Variants in GALNT2 observed in about 807,000 individuals in gnomAD.
GALNT2 encodes UDP-GalNAc:polypeptide N-acetylgalactosaminyltransferase 2.
GALNT2 carries 31 observed loss-of-function variants against 81.4 expected under a neutral mutation model. That is an observed-to-expected ratio of 0.38 (90% confidence interval 0.29 to 0.51). The LOEUF (loss-of-function observed/expected upper bound fraction) is 0.51. Ranked by LOEUF, GALNT2 falls within the 20% of genes least tolerant of loss-of-function variation. The probability of loss-of-function intolerance (pLI) is 0.87; values close to 1 mark genes in which losing one functional copy is unlikely to be tolerated. For missense variants in GALNT2, 629 were observed against 765.7 expected (o/e 0.82, Z 2.11); for synonymous variants, 303 against 287.4 (o/e 1.05, Z -0.55).
chr1:230,095,901 A>C (rs977388601), intron 1 of GALNT2, among the ~76,000 whole-genome samples: 1 of 152,264 alleles, frequency 6.6e-6, no homozygotes, highest in Non-Finnish European at 1.5e-5. Context: ...CCAAGGCCTC[A>C]GACAGGTGAG....
At chr1:230,085,038 G>A (rs781084393) in intron 1 of GALNT2, among the ~76,000 whole-genome samples, 5 of 152,174 alleles carry the variant, frequency 3.3e-5, no homozygotes, top group Non-Finnish European at 5.9e-5. Context: ...GAGAAGTGGA[G>A]AAAGATTGTG....
At chr1:230,108,220 G>A (rs1032604584) in intron 1 of GALNT2, among the ~76,000 whole-genome samples, 4 of 152,114 alleles carry the variant, frequency 2.6e-5, no homozygotes, top group Non-Finnish European at 2.9e-5. Context: ...ACTTCTAATT[G>A]GGCATACAAG....
At chr1:230,095,303 G>A (rs981970214) in intron 1 of GALNT2, among the ~76,000 whole-genome samples, 1 of 152,140 alleles carries the variant, frequency 6.6e-6, no homozygotes, top group South Asian at 2.1e-4. Context: ...CTGCTTTCAC[G>A]CACTTTTATG....
intron 1 of GALNT2, among the ~76,000 whole-genome samples, chr1:230,078,231 T>A (rs1039620411): frequency 6.6e-6 from 1 of 152,248 alleles, no homozygotes; most frequent in Non-Finnish European, 1.5e-5. Flanking sequence ...TTAAAAATCC[T>A]TATTTTTTGA....
At chr1:230,184,196 T>G (rs1445580209) in intron 2 of GALNT2, among the ~76,000 whole-genome samples, 1 of 151,500 alleles carries the variant, frequency 6.6e-6, no homozygotes, top group Non-Finnish European at 1.5e-5. Flanking sequence ...TCAATCTTTT[T>G]TTTTTTTTTT....
intron 3 of GALNT2, among the ~76,000 whole-genome samples, chr1:230,219,494 T>C (rs1232530773): frequency 6.6e-6 from 1 of 152,028 alleles, no homozygotes; most frequent in African/African-American, 2.4e-5. Flanking sequence ...TCCAGTCCCT[T>C]GTCCTCCCTT....
chr1:230,244,557 A>C (rs1665306928), intron 7 of GALNT2, among the ~76,000 whole-genome samples: 1 of 151,392 alleles, frequency 6.6e-6, no homozygotes, highest in Admixed American at 6.6e-5. Flanking sequence ...TCAAAACCAA[A>C]ACTGCCATGG....
rs184153094 is a variant in GALNT2 at position 230,263,071 on chromosome 1, A to G, written c.1313+66A>G. On this transcript the variant is annotated intron_variant, in intron 13 of 15. Transcript: ENST00000366672. ...TAGAAGCCAGTAAGGCCATAGAAGC[A>G]GCAGAGGGGAAATGGAGGTGGGGCT... 2.2e-4 allele frequency: 294 copies of G among 1,344,630 alleles called. No homozygotes were observed. In the African/African-American group the frequency reaches 3.7e-3, roughly 17 times the overall value. The allele number at this position is 1,344,630 out of a possible 1,614,324, so 83.3% of individuals were successfully genotyped here. A position where few individuals can be genotyped will look rare whatever the true frequency, so the allele number is the denominator to read the frequency against.
At chr1:230,127,407 C>A (rs1277429466) in intron 1 of GALNT2, among the ~76,000 whole-genome samples, 2 of 151,876 alleles carry the variant, frequency 1.3e-5, no homozygotes, top group South Asian at 4.2e-4. Context: ...GTTGGAGTAT[C>A]GCACTCTCAC....
intron 2 of GALNT2, among the ~76,000 whole-genome samples, chr1:230,191,193 A>C (rs2102696748): frequency 6.6e-6 from 1 of 152,348 alleles, no homozygotes. Context: ...CAGTCACGTG[A>C]CATCCAGTGT....
chr1:230,265,071 T>C (rs1485196518), intron 13 of GALNT2, 170 bp from the exon 14 acceptor site: 1 of 707,346 alleles, frequency 1.4e-6, no homozygotes, highest in East Asian at 2.7e-5. Context: ...CTGGGAGAAA[T>C]GCCGTGTCCC....
At chr1:230,235,234 A>AGCT in intron 3 of GALNT2, among the ~76,000 whole-genome samples, 1 of 151,358 alleles carries the variant, frequency 6.6e-6, no homozygotes, top group Non-Finnish European at 1.5e-5. Flanking sequence ...AAAAAAAAAA[A>AGCT]AAAGCTACTT....
intron 1 of GALNT2, among the ~76,000 whole-genome samples, chr1:230,118,607 T>C (rs1169683280): frequency 1.3e-5 from 2 of 152,162 alleles, no homozygotes; most frequent in Non-Finnish European, 2.9e-5. Context: ...GCTGGTTCCT[T>C]ATCTCCCTGG....
chr1:230,153,458 CAGTA>C (rs1662152414), intron 1 of GALNT2, among the ~76,000 whole-genome samples: 1 of 152,170 alleles, frequency 6.6e-6, no homozygotes, highest in African/African-American at 2.4e-5. Flanking sequence ...TTTTTAATCA[CAGTA>C]AGCACATTTT....
intron 2 of GALNT2, among the ~76,000 whole-genome samples, chr1:230,187,658 T>C (rs1413971380): frequency 6.6e-6 from 1 of 152,166 alleles, no homozygotes; most frequent in African/African-American, 2.4e-5. Flanking sequence ...TCGTCCGGTG[T>C]CCAGGAAGAA....
At chr1:230,201,667 G>T (rs1250637244) in intron 2 of GALNT2, among the ~76,000 whole-genome samples, 2 of 152,102 alleles carry the variant, frequency 1.3e-5, no homozygotes, top group Admixed American at 1.3e-4. Context: ...TGTAGCTGCC[G>T]GCAGCCCTGC....
chr1:230,213,599 A>G (rs1447900086), intron 3 of GALNT2, among the ~76,000 whole-genome samples: 1 of 152,174 alleles, frequency 6.6e-6, no homozygotes. Flanking sequence ...TATCTTTTAT[A>G]TGGTGTATTT....
At chr1:230,208,576 AGCCC>A (rs1664137492) in intron 3 of GALNT2, among the ~76,000 whole-genome samples, 1 of 152,224 alleles carries the variant, frequency 6.6e-6, no homozygotes, top group Non-Finnish European at 1.5e-5. Context: ...CTGGGTGTTA[AGCCC>A]AAGGGAATGG....
intron 1 of GALNT2, among the ~76,000 whole-genome samples, chr1:230,130,634 C>T (rs1171446691): frequency 1.3e-5 from 2 of 152,208 alleles, no homozygotes; most frequent in African/African-American, 2.4e-5. Flanking sequence ...TGCTCCCATG[C>T]AGGAGCAGAA....
Sources: allele counts gnomAD v4.1 joint callset (sites outside exome capture counted in the v4.1 genomes callset), GRCh38; gene constraint gnomAD v4.1.1; transcripts MANE v1.5; gene names NCBI Gene and HGNC (gene_info 2026-07-23, HGNC 2026-07-21).